Variants in RYR3 observed in about 807,000 individuals in gnomAD.
RYR3 encodes ryanodine receptor 3, also known as brain ryanodine receptor-calcium release channel.
A neutral mutation model predicts 584.3 loss-of-function variants in RYR3; 207 were observed. The observed-to-expected ratio is 0.35, with a 90% CI of 0.32 to 0.40. The LOEUF (loss-of-function observed/expected upper bound fraction) is 0.40. Among genes scored for constraint, RYR3 ranks in the 10% least tolerant of loss-of-function variants. The pLI is 1.00. For synonymous variants in RYR3, 2,416 were observed against 2,248.5 expected (o/e 1.07, Z -2.11); for missense variants, 5,616 against 6,089.2 (o/e 0.92, Z 2.59).
intron 1 of RYR3, among the ~76,000 whole-genome samples, chr15:33,366,008 A>G (rs1472656760): frequency 1.3e-5 from 2 of 152,222 alleles, no homozygotes; most frequent in African/African-American, 4.8e-5. Flanking sequence ...CTTTCCTAAA[A>G]GTGTTGTAAA....
intron 6 of RYR3, 21 bp downstream of exon 6, chr15:33,539,483 G>C: frequency 6.8e-7 from 1 of 1,462,966 alleles, no homozygotes; most frequent in Non-Finnish European, 9.4e-7. Flanking sequence ...CATAATATAA[G>C]AGTCTTCTGT....
At position 33,750,200 on chromosome 15, in the gene RYR3, C is replaced by T; in HGVS notation, c.8313C>T (p.Thr2771=). Residue 2771 remains threonine (T), a synonymous_variant, in exon 57 of 104, where the codon ACC becomes ACT. Transcript: ENST00000634891. ...GSHPLLVPYD[T]LTAKEKFKDR... is the part of the protein sequence containing the mutation. ...ACCCTCTTCTGGTACCATATGACAC[C>T]TTGACTGCCAAGGAAAAGTTCAAGG... 2.5e-6 allele frequency: 4 copies of T among 1,609,264 alleles called. No homozygotes were observed. The highest frequency in any genetic ancestry group is 3.4e-6 in the Non-Finnish European group (4 of 1,177,848).
chr15:33,764,415 C>T (rs1172737691), intron 60 of RYR3, among the ~76,000 whole-genome samples: 2 of 151,890 alleles, frequency 1.3e-5, no homozygotes, highest in African/African-American at 2.4e-5. Flanking sequence ...CATCACACAC[C>T]GGGGCCTGTC....
intron 36 of RYR3, among the ~76,000 whole-genome samples, chr15:33,665,417 A>G (rs2063440970): frequency 6.6e-6 from 1 of 152,146 alleles, no homozygotes; most frequent in Non-Finnish European, 1.5e-5. Context: ...GCGAGCTACT[A>G]TTACTTTTAT....
intron 3 of RYR3, among the ~76,000 whole-genome samples, chr15:33,511,667 A>G (rs972373987): frequency 6.9e-6 from 1 of 144,994 alleles, no homozygotes; most frequent in Non-Finnish European, 1.6e-5. Context: ...AGGTGGCTGC[A>G]CACATAGAAA....
At chr15:33,537,848 C>T (rs536255397) in intron 5 of RYR3, among the ~76,000 whole-genome samples, 2 of 152,150 alleles carry the variant, frequency 1.3e-5, no homozygotes, top group East Asian at 1.9e-4. Flanking sequence ...AATAGTATTT[C>T]TTTGTTAATT....
At chr15:33,434,568 T>C (rs572111647) in intron 1 of RYR3, among the ~76,000 whole-genome samples, 17 of 152,186 alleles carry the variant, frequency 1.1e-4, no homozygotes, top group African/African-American at 3.9e-4. Context: ...TGATGAAATA[T>C]TTTATGCAAG....
chr15:33,537,973 TTTTTCTTTTC>T (rs148519186), intron 5 of RYR3, among the ~76,000 whole-genome samples: 77 of 152,128 alleles, frequency 5.1e-4, no homozygotes, highest in Middle Eastern at 6.8e-3. Flanking sequence ...TCCCACCACC[TTTTTCTTTTC>T]TTTTCTTTTC....
At chr15:33,735,901 G>A (rs1377003484) in intron 48 of RYR3, among the ~76,000 whole-genome samples, 1 of 152,178 alleles carries the variant, frequency 6.6e-6, no homozygotes, top group African/African-American at 2.4e-5. Context: ...GGACCTTAGA[G>A]ATGACTAGAA....
intron 68 of RYR3, among the ~76,000 whole-genome samples, chr15:33,801,555 T>G (rs893308598): frequency 3.9e-5 from 6 of 152,202 alleles, no homozygotes; most frequent in Admixed American, 3.3e-4. Context: ...AGGCCTGCTG[T>G]CTGTCATGTG....
At chr15:33,436,468 G>A (rs975513604) in intron 1 of RYR3, among the ~76,000 whole-genome samples, 1 of 145,736 alleles carries the variant, frequency 6.9e-6, no homozygotes, top group Non-Finnish European at 1.5e-5. Context: ...TGGCTTATGT[G>A]TTACTTTATC....
At chr15:33,696,187 A>T (rs2065852558) in intron 38 of RYR3, 31 bp from the exon 39 acceptor site, 2 of 1,593,898 alleles carry the variant, frequency 1.3e-6, no homozygotes, top group East Asian at 4.5e-5. Flanking sequence ...CATGACAGCC[A>T]CAGTCCTGCT....
At chr15:33,793,798 A>C (rs1047753069) in intron 67 of RYR3, among the ~76,000 whole-genome samples, 4 of 151,302 alleles carry the variant, frequency 2.6e-5, no homozygotes, top group Admixed American at 2.0e-4. Flanking sequence ...GCCTAGATAT[A>C]CTCATTTTAG....
At chr15:33,362,098 G>C (rs1974849086) in intron 1 of RYR3, among the ~76,000 whole-genome samples, 2 of 152,190 alleles carry the variant, frequency 1.3e-5, no homozygotes, top group Non-Finnish European at 2.9e-5. Flanking sequence ...GAATGCAAAA[G>C]ATTAATATGT....
chr15:33,417,949 G>C (rs1482567857), intron 1 of RYR3, among the ~76,000 whole-genome samples: 1 of 152,080 alleles, frequency 6.6e-6, no homozygotes, highest in Non-Finnish European at 1.5e-5. Context: ...TATGGTTTTT[G>C]TTTTTAATTC....
intron 1 of RYR3, among the ~76,000 whole-genome samples, chr15:33,449,534 A>C (rs973771499): frequency 6.6e-6 from 1 of 152,060 alleles, no homozygotes. Context: ...GTTTCTACAT[A>C]ACATAGTGTG....
At chr15:33,423,589 C>T (rs2044390233) in intron 1 of RYR3, among the ~76,000 whole-genome samples, 2 of 152,186 alleles carry the variant, frequency 1.3e-5, no homozygotes, top group Non-Finnish European at 2.9e-5. Flanking sequence ...TACCATTTTA[C>T]ACTTCCACCA....
At chr15:33,425,818 A>G (rs962735781) in intron 1 of RYR3, among the ~76,000 whole-genome samples, 44 of 151,560 alleles carry the variant, frequency 2.9e-4, no homozygotes, top group African/African-American at 9.9e-4. Context: ...ATTTTTTTGT[A>G]TTTTTAGTAG....
intron 43 of RYR3, among the ~76,000 whole-genome samples, chr15:33,708,153 C>T (rs1263192693): frequency 6.6e-6 from 1 of 152,204 alleles, no homozygotes. Context: ...AGAGTATCCT[C>T]TAATAGCCTG....
Sources: allele counts gnomAD v4.1 joint callset (sites outside exome capture counted in the v4.1 genomes callset), GRCh38; gene constraint gnomAD v4.1.1; transcripts MANE v1.5; gene names NCBI Gene and HGNC (gene_info 2026-07-23, HGNC 2026-07-21).